MITF: variants seen among roughly 807,000 people sequenced by gnomAD.
MITF encodes the protein microphthalmia-associated transcription factor.
Under a neutral mutation model 60.5 loss-of-function variants are expected in MITF, and 17 were observed. The observed-to-expected ratio is 0.28, with a 90% CI of 0.19 to 0.42. MITF has a LOEUF of 0.42. Among genes scored for constraint, MITF ranks in the 10% least tolerant of loss-of-function variants. The probability of loss-of-function intolerance (pLI) is 1.00; values close to 1 mark genes in which losing one functional copy is unlikely to be tolerated. For synonymous variants in MITF, 260 were observed against 248.5 expected, an observed-to-expected ratio of 1.05 and a Z score of -0.43; for missense variants, 622 against 683.5, an observed-to-expected ratio of 0.91 and a Z score of 1.00.
chr3:69,766,290 A>G (rs1230626367), intron 1 of MITF, among the ~76,000 whole-genome samples: 1 of 150,878 alleles, frequency 6.6e-6, no homozygotes, highest in Non-Finnish European at 1.5e-5. Context: ...GCTCACTGCA[A>G]CCTCTGCCTC....
intron 2 of MITF, among the ~76,000 whole-genome samples, chr3:69,886,805 A>G (rs1035136012): frequency 1.3e-5 from 2 of 152,102 alleles, no homozygotes; most frequent in African/African-American, 4.8e-5. Context: ...AGTCATCATT[A>G]TGGGTTAAAA....
intron 1 of MITF, among the ~76,000 whole-genome samples, chr3:69,873,236 CTTA>C (rs2064277949): frequency 6.6e-6 from 1 of 152,046 alleles, no homozygotes; most frequent in South Asian, 2.1e-4. Flanking sequence ...GATATAGTTT[CTTA>C]TTAGTATTTT....
At chr3:69,756,176 T>C (rs1327964768) in intron 1 of MITF, among the ~76,000 whole-genome samples, 1 of 152,148 alleles carries the variant, frequency 6.6e-6, no homozygotes, top group Non-Finnish European at 1.5e-5. Flanking sequence ...GCAGGTTTGT[T>C]ACATAAGTAT....
chr3:69,847,030 C>T (rs986825002), intron 1 of MITF, among the ~76,000 whole-genome samples: 12 of 152,058 alleles, frequency 7.9e-5, no homozygotes. Flanking sequence ...GGAAAGGGAC[C>T]TGGGATTCTT....
At chr3:69,781,910 T>C (rs2062571408) in intron 1 of MITF, among the ~76,000 whole-genome samples, 1 of 152,248 alleles carries the variant, frequency 6.6e-6, no homozygotes, top group African/African-American at 2.4e-5. Flanking sequence ...TACTGAGCTC[T>C]GTTCCTGAAG....
At chr3:69,857,932 T>G (rs779282129) in intron 1 of MITF, among the ~76,000 whole-genome samples, 23 of 152,158 alleles carry the variant, frequency 1.5e-4, no homozygotes, top group Non-Finnish European at 2.9e-4. Context: ...CAAGATAAGC[T>G]TAAATTATGG....
chr3:69,799,256 T>G (rs1247250146), intron 1 of MITF, among the ~76,000 whole-genome samples: 3 of 151,934 alleles, frequency 2.0e-5, no homozygotes, highest in Non-Finnish European at 4.4e-5. Context: ...GGGACACCAG[T>G]GAGGAAAAAT....
At chr3:69,772,710 A>C (rs1424610770) in intron 1 of MITF, among the ~76,000 whole-genome samples, 1 of 152,150 alleles carries the variant, frequency 6.6e-6, no homozygotes, top group African/African-American at 2.4e-5. Context: ...CACCCATGCC[A>C]CCAGCTGCTT....
intron 2 of MITF, among the ~76,000 whole-genome samples, chr3:69,897,922 A>G (rs2064912172): frequency 6.6e-6 from 1 of 152,216 alleles, no homozygotes; most frequent in South Asian, 2.1e-4. Context: ...TCTTACAAAG[A>G]TGTTGAATGG....
intron 1 of MITF, among the ~76,000 whole-genome samples, chr3:69,840,493 C>T (rs1330747191): frequency 1.3e-5 from 2 of 151,750 alleles, no homozygotes; most frequent in African/African-American, 2.4e-5. Flanking sequence ...TGGAGATTGG[C>T]ACCTCGGAAA....
Position 69,965,714 on chromosome 3 carries a change from T to C in MITF, c.*466T>C, listed in dbSNP as rs2107554938. 1 of 243,392 alleles carries C rather than the reference T, an allele frequency of 4.1e-6. No individual in the cohort carries two copies. The highest frequency in any genetic ancestry group is 5.9e-5 in the East Asian group (1 of 16,888). 15.1% of individuals were successfully genotyped at this position (243,392 alleles called of 1,614,324 possible). A position where few individuals can be genotyped will look rare whatever the true frequency, so the allele number is the denominator to read the frequency against. ...TACTAACCCTTTTCCATTTTATAAA[T>C]GTATTGATTCATTGGTACTGCCTTA... On this transcript the variant is annotated 3_prime_UTR_variant, in exon 10 of 10. Transcript: ENST00000352241.
At chr3:69,861,960 A>T (rs1266912381) in intron 1 of MITF, among the ~76,000 whole-genome samples, 1 of 152,068 alleles carries the variant, frequency 6.6e-6, no homozygotes, top group East Asian at 1.9e-4. Context: ...ATGTATGAGT[A>T]ACTTCTTTAT....
chr3:69,871,415 G>C (rs2064234416), intron 1 of MITF, among the ~76,000 whole-genome samples: 1 of 152,192 alleles, frequency 6.6e-6, no homozygotes, highest in Non-Finnish European at 1.5e-5. Flanking sequence ...ATAACCTCAT[G>C]AACTGAAAGT....
intron 2 of MITF, among the ~76,000 whole-genome samples, chr3:69,904,874 G>T (rs1575927433): frequency 6.6e-6 from 1 of 152,142 alleles, no homozygotes; most frequent in Admixed American, 6.5e-5. Context: ...CTCACAGGCT[G>T]GTAGGAGTGT....
At chr3:69,869,791 G>A (rs764732714) in intron 1 of MITF, among the ~76,000 whole-genome samples, 9 of 152,060 alleles carry the variant, frequency 5.9e-5, no homozygotes, top group Non-Finnish European at 1.2e-4. Flanking sequence ...AAAAGGAACC[G>A]ATAGGCTGAA....
chr3:69,882,771 G>T (rs1365307644), intron 2 of MITF, among the ~76,000 whole-genome samples: 1 of 152,172 alleles, frequency 6.6e-6, no homozygotes, highest in African/African-American at 2.4e-5. Context: ...CATTTATGTA[G>T]TCACCAAGCA....
chr3:69,898,472 C>A (rs2064926591), intron 2 of MITF, among the ~76,000 whole-genome samples: 1 of 152,158 alleles, frequency 6.6e-6, no homozygotes, highest in Non-Finnish European at 1.5e-5. Flanking sequence ...AAGTTTGGGA[C>A]TCAGTAATAG....
chr3:69,912,813 T>C (rs1223908650), intron 2 of MITF, among the ~76,000 whole-genome samples: 1 of 152,184 alleles, frequency 6.6e-6, no homozygotes, highest in African/African-American at 2.4e-5. Flanking sequence ...GGCAGTCTCT[T>C]TGGCCAACTA....
intron 1 of MITF, among the ~76,000 whole-genome samples, chr3:69,868,840 A>G (rs1001719828): frequency 2.0e-5 from 3 of 151,446 alleles, no homozygotes; most frequent in Non-Finnish European, 2.9e-5. Flanking sequence ...TGGAGGTTGC[A>G]GTAAGCCAAG....
Sources: allele counts gnomAD v4.1 joint callset (sites outside exome capture counted in the v4.1 genomes callset), GRCh38; gene constraint gnomAD v4.1.1; transcripts MANE v1.5; gene names NCBI Gene and HGNC (gene_info 2026-07-23, HGNC 2026-07-21).